The following GUCY1A2 variants were observed in gnomAD, a reference collection of about 807,000 sequenced individuals.
The protein encoded by GUCY1A2 is guanylate cyclase 1 soluble subunit alpha 2, also known as guanylate cyclase soluble subunit alpha-2.
A neutral mutation model predicts 63.5 loss-of-function variants in GUCY1A2; 27 were observed. That is an observed-to-expected ratio of 0.43 (90% CI 0.31 to 0.59). The LOEUF (loss-of-function observed/expected upper bound fraction) is 0.59, where lower values mean the gene tolerates loss of function less well. Among genes scored for constraint, GUCY1A2 ranks in the 20% least tolerant of loss-of-function variants. GUCY1A2 has a pLI of 0.11. For synonymous variants in GUCY1A2, 364 were observed against 343.5 expected (o/e 1.06, Z -0.66); for missense variants, 768 against 913.3 (o/e 0.84, Z 2.05).
intron 4 of GUCY1A2, among the ~76,000 whole-genome samples, chr11:106,864,561 T>C (rs1591306693): frequency 6.6e-6 from 1 of 152,168 alleles, no homozygotes; most frequent in African/African-American, 2.4e-5. Flanking sequence ...GGGTTTGTCA[T>C]AAATAGCTCT....
chr11:106,761,447 C>T (rs111258223), intron 6 of GUCY1A2, among the ~76,000 whole-genome samples: 11 of 152,112 alleles, frequency 7.2e-5, no homozygotes, highest in African/African-American at 2.7e-4. Context: ...GTCATAGTTG[C>T]AACGTTTTTT....
intron 4 of GUCY1A2, among the ~76,000 whole-genome samples, chr11:106,828,828 A>G (rs1859011934): frequency 6.6e-6 from 1 of 152,212 alleles, no homozygotes; most frequent in African/African-American, 2.4e-5. Flanking sequence ...CACATGAACA[A>G]GTCCATCAAG....
At chr11:106,963,236 A>G (rs1025006949) in intron 3 of GUCY1A2, among the ~76,000 whole-genome samples, 1 of 152,216 alleles carries the variant, frequency 6.6e-6, no homozygotes, top group African/African-American at 2.4e-5. Context: ...ACAGAGGAGA[A>G]TATGTCAATG....
intron 3 of GUCY1A2, 21 bp downstream of exon 3, chr11:106,978,598 A>G: frequency 7.2e-7 from 1 of 1,392,746 alleles, no homozygotes; most frequent in Non-Finnish European, 1.0e-6. Flanking sequence ...TCATCCATAT[A>G]AATATATATA....
At chr11:106,741,024 C>T (rs1461816604) in intron 6 of GUCY1A2, among the ~76,000 whole-genome samples, 2 of 152,158 alleles carry the variant, frequency 1.3e-5, no homozygotes, top group Non-Finnish European at 2.9e-5. Context: ...GAGCAGAGAG[C>T]ATGCCCTCTT....
chr11:106,712,406 A>T (rs1351367060), intron 6 of GUCY1A2, among the ~76,000 whole-genome samples: 4 of 152,202 alleles, frequency 2.6e-5, no homozygotes, highest in Non-Finnish European at 5.9e-5. Context: ...AATATGGAAT[A>T]CAGTTAAAAA....
At chr11:106,954,712 G>C (rs1860958590) in intron 3 of GUCY1A2, among the ~76,000 whole-genome samples, 2 of 152,104 alleles carry the variant, frequency 1.3e-5, no homozygotes, top group Admixed American at 1.3e-4. Flanking sequence ...TATATATTTA[G>C]AATAGTTAGC....
At chr11:106,812,180 A>ATT (rs1382797838) in intron 4 of GUCY1A2, among the ~76,000 whole-genome samples, 1 of 151,888 alleles carries the variant, frequency 6.6e-6, no homozygotes, top group African/African-American at 2.4e-5. Context: ...TATTATATAA[A>ATT]TTTTTTTAAG....
chr11:106,774,398 G>C (rs1864318304), intron 6 of GUCY1A2, among the ~76,000 whole-genome samples: 1 of 152,030 alleles, frequency 6.6e-6, no homozygotes, highest in Non-Finnish European at 1.5e-5. Flanking sequence ...CCTAAGTGCT[G>C]GGATTACAGA....
At position 106,797,630 on chromosome 11, in the gene GUCY1A2, A is replaced by G. The variant is rs569901223; in HGVS notation, c.1692+12363T>C. On this transcript the variant is annotated intron_variant, in intron 5 of 7. Coordinates refer to ENST00000526355, the MANE Select transcript of GUCY1A2 (RefSeq NM_000855.3). Reference sequence around the variant, plus strand: ...TAAGAAACTCACTCAAAACCACTCAACTACATGGAAACTGAACAACCTGCT... The same window carrying G: ...TAAGAAACTCACTCAAAACCACTCAGCTACATGGAAACTGAACAACCTGCT... 5.3e-5 allele frequency among the ~76,000 whole-genome samples: 8 copies of G among 152,268 alleles called. No individual in the cohort carries two copies. In the East Asian group the frequency reaches 1.5e-3, roughly 29 times the overall value.
At chr11:106,831,551 C>A (rs932004432) in intron 4 of GUCY1A2, among the ~76,000 whole-genome samples, 1 of 152,188 alleles carries the variant, frequency 6.6e-6, no homozygotes, top group African/African-American at 2.4e-5. Flanking sequence ...CAGGTTACAG[C>A]TATACTGACT....
chr11:106,721,265 C>G (rs1252467243), intron 6 of GUCY1A2, among the ~76,000 whole-genome samples: 1 of 152,098 alleles, frequency 6.6e-6, no homozygotes, highest in Admixed American at 6.5e-5. Context: ...TGCCATGTTT[C>G]CCAGGCTACT....
At chr11:107,000,467 G>C (rs1241381390) in intron 1 of GUCY1A2, among the ~76,000 whole-genome samples, 1 of 152,108 alleles carries the variant, frequency 6.6e-6, no homozygotes, top group African/African-American at 2.4e-5. Context: ...GCCTTTGGAG[G>C]CATATTCTTT....
At chr11:106,941,373 A>C (rs145963051) in intron 3 of GUCY1A2, among the ~76,000 whole-genome samples, 198 of 152,298 alleles carry the variant, frequency 1.3e-3, no homozygotes, top group African/African-American at 4.6e-3. Context: ...TATGAGGAAA[A>C]ATGAGGGAAT....
At chr11:106,948,169 A>T (rs960474035) in intron 3 of GUCY1A2, among the ~76,000 whole-genome samples, 24 of 152,296 alleles carry the variant, frequency 1.6e-4, no homozygotes, top group South Asian at 6.2e-4. Flanking sequence ...CAAAGTTTTT[A>T]AAATATTTTC....
At chr11:106,884,373 G>T (rs1859869051) in intron 4 of GUCY1A2, among the ~76,000 whole-genome samples, 2 of 152,050 alleles carry the variant, frequency 1.3e-5, no homozygotes, top group Admixed American at 1.3e-4. Context: ...TTAGACATTA[G>T]AAGAATAGAA....
chr11:107,005,117 C>T (rs1465169941), intron 1 of GUCY1A2, among the ~76,000 whole-genome samples: 1 of 152,146 alleles, frequency 6.6e-6, no homozygotes, highest in African/African-American at 2.4e-5. Flanking sequence ...ACTATAGCTT[C>T]AACTGATCTT....
At chr11:106,976,797 A>T (rs1861268798) in intron 3 of GUCY1A2, among the ~76,000 whole-genome samples, 2 of 152,198 alleles carry the variant, frequency 1.3e-5, no homozygotes, top group African/African-American at 4.8e-5. Context: ...CTTCTAAGTT[A>T]TAAACACTGC....
chr11:106,856,765 T>C (rs1189134703), intron 4 of GUCY1A2, among the ~76,000 whole-genome samples: 2 of 152,202 alleles, frequency 1.3e-5, no homozygotes, highest in East Asian at 1.9e-4. Context: ...TGGTGATGTG[T>C]ACCCAGTTCC....
Sources: gnomAD v4.1 joint callset for allele counts (sites outside exome capture counted in the v4.1 genomes callset) on GRCh38, gnomAD v4.1.1 for gene constraint, MANE v1.5 for transcripts, NCBI Gene and HGNC (gene_info 2026-07-23, HGNC 2026-07-21) for gene names.